The following MDGA2 variants were observed in gnomAD, a reference collection of about 807,000 sequenced individuals.
MDGA2 encodes the protein MAM domain containing glycosylphosphatidylinositol anchor 2, also known as MAM domain-containing glycosylphosphatidylinositol anchor protein 2.
MDGA2 carries 40 observed loss-of-function variants against 117.8 expected under a neutral mutation model. That is an observed-to-expected ratio of 0.34 (90% CI 0.26 to 0.44). MDGA2 has a LOEUF of 0.44. Among genes scored for constraint, MDGA2 ranks in the 20% least tolerant of loss-of-function variants. MDGA2 has a pLI of 1.00. For synonymous variants in MDGA2, 452 were observed against 439.0 expected (o/e 1.03, Z -0.37); for missense variants, 1,123 against 1,250.6 (o/e 0.90, Z 1.54).
intron 2 of MDGA2, among the ~76,000 whole-genome samples, chr14:47,229,741 T>C (rs1211141035): frequency 4.6e-5 from 7 of 151,910 alleles, no homozygotes; most frequent in Admixed American, 3.3e-4. Flanking sequence ...TTTAATGGCC[T>C]AAAACAGGAA....
chr14:47,408,815 G>A (rs1016476313), intron 1 of MDGA2, among the ~76,000 whole-genome samples: 2 of 152,194 alleles, frequency 1.3e-5, no homozygotes, highest in Non-Finnish European at 2.9e-5. Context: ...CCTGCTTGAG[G>A]AGACTGGGCA....
intron 6 of MDGA2, among the ~76,000 whole-genome samples, chr14:47,070,395 T>A (rs1421197035): frequency 6.6e-6 from 1 of 152,210 alleles, no homozygotes; most frequent in African/African-American, 2.4e-5. Flanking sequence ...CTCAAAAATG[T>A]CTTTCTCAAG....
chr14:47,201,595 T>C (rs894145815), intron 3 of MDGA2, among the ~76,000 whole-genome samples: 1 of 152,248 alleles, frequency 6.6e-6, no homozygotes, highest in Non-Finnish European at 1.5e-5. Flanking sequence ...TTCAGACCTC[T>C]AACCCAACTG....
intron 2 of MDGA2, among the ~76,000 whole-genome samples, chr14:47,279,430 C>T (rs1195602822): frequency 6.6e-6 from 1 of 152,040 alleles, no homozygotes; most frequent in African/African-American, 2.4e-5. Flanking sequence ...TTATAATATG[C>T]TGTGCTTTTC....
intron 3 of MDGA2, among the ~76,000 whole-genome samples, chr14:47,159,509 C>A (rs535063996): frequency 7.2e-5 from 11 of 152,238 alleles, no homozygotes; most frequent in East Asian, 5.8e-4. Context: ...TTGTAAGGAA[C>A]CTGGTTTGTA....
intron 3 of MDGA2, among the ~76,000 whole-genome samples, chr14:47,214,094 T>C (rs758728943): frequency 3.3e-5 from 5 of 152,052 alleles, no homozygotes; most frequent in African/African-American, 9.7e-5. Flanking sequence ...AGAGACCACC[T>C]GCATGATTCA....
chr14:47,310,162 T>C (rs1271818928), intron 1 of MDGA2, among the ~76,000 whole-genome samples: 1 of 152,138 alleles, frequency 6.6e-6, no homozygotes, highest in Admixed American at 6.6e-5. Flanking sequence ...CCTTTATTTG[T>C]TTTCACCTAG....
intron 1 of MDGA2, among the ~76,000 whole-genome samples, chr14:47,499,331 T>G (rs910517257): frequency 6.6e-6 from 1 of 152,144 alleles, no homozygotes; most frequent in Non-Finnish European, 1.5e-5. Flanking sequence ...TATCCTTTAT[T>G]GTAGATTTTG....
chr14:46,844,817 G>A (rs746597573), intron 16 of MDGA2, among the ~76,000 whole-genome samples: 1 of 152,016 alleles, frequency 6.6e-6, no homozygotes, highest in Non-Finnish European at 1.5e-5. Flanking sequence ...AATCATGGGG[G>A]CTCTTCCCCT....
At chr14:46,959,063 A>G (rs1413619587) in intron 8 of MDGA2, among the ~76,000 whole-genome samples, 1 of 152,110 alleles carries the variant, frequency 6.6e-6, no homozygotes, top group Non-Finnish European at 1.5e-5. Context: ...AAACTCCTCT[A>G]AAAAAAGTTA....
intron 3 of MDGA2, among the ~76,000 whole-genome samples, chr14:47,199,031 G>A (rs1364427963): frequency 6.6e-6 from 1 of 152,046 alleles, no homozygotes; most frequent in Non-Finnish European, 1.5e-5. Flanking sequence ...CTCTGCCTAA[G>A]TTTCCATCCT....
intron 10 of MDGA2, among the ~76,000 whole-genome samples, chr14:46,919,371 A>G (rs1373150402): frequency 6.6e-6 from 1 of 152,234 alleles, no homozygotes; most frequent in Non-Finnish European, 1.5e-5. Flanking sequence ...CTAAGAAGAA[A>G]CAATGTAAAG....
intron 1 of MDGA2, among the ~76,000 whole-genome samples, chr14:47,577,731 C>T (rs1010569157): frequency 6.6e-5 from 10 of 151,722 alleles, no homozygotes; most frequent in Admixed American, 4.0e-4. Context: ...CAAAACTGCA[C>T]GCCAGTCAGA....
chr14:47,045,457 C>T (rs530955049), intron 7 of MDGA2, among the ~76,000 whole-genome samples: 4 of 151,980 alleles, frequency 2.6e-5, no homozygotes, highest in Admixed American at 1.3e-4. Context: ...TTCTCACATA[C>T]TAAAATACAT....
intron 1 of MDGA2, among the ~76,000 whole-genome samples, chr14:47,620,217 ACTGTTT>A (rs1276241425): frequency 1.3e-5 from 2 of 152,252 alleles, no homozygotes; most frequent in Non-Finnish European, 1.5e-5. Context: ...ACTATGAATC[ACTGTTT>A]CTGATTCAAG....
At chr14:46,960,021 A>T (rs1300092778) in intron 8 of MDGA2, among the ~76,000 whole-genome samples, 1 of 152,070 alleles carries the variant, frequency 6.6e-6, no homozygotes, top group Non-Finnish European at 1.5e-5. Context: ...CAGGACTTCG[A>T]GACCAGCCTG....
At chr14:47,201,721 C>T (rs1049661729) in intron 3 of MDGA2, among the ~76,000 whole-genome samples, 5 of 152,180 alleles carry the variant, frequency 3.3e-5, no homozygotes, top group African/African-American at 4.8e-5. Context: ...TTTTCTATTT[C>T]CTTCTTGTCT....
chr14:46,868,408 C>A (rs1428393545), intron 14 of MDGA2, among the ~76,000 whole-genome samples: 2 of 151,808 alleles, frequency 1.3e-5, no homozygotes, highest in Non-Finnish European at 1.5e-5. Context: ...TTTCTACTCC[C>A]ATCAAGCCTA....
chr14:46,900,541 C>T (rs1387392751), intron 10 of MDGA2, among the ~76,000 whole-genome samples: 1 of 152,080 alleles, frequency 6.6e-6, no homozygotes, highest in East Asian at 1.9e-4. Flanking sequence ...AAAGAATGAA[C>T]TACTGATATA....
Sources: allele counts gnomAD v4.1 joint callset (sites outside exome capture counted in the v4.1 genomes callset), GRCh38; gene constraint gnomAD v4.1.1; transcripts MANE v1.5; gene names NCBI Gene and HGNC (gene_info 2026-07-23, HGNC 2026-07-21).